The following ARHGAP18 variants were observed in gnomAD, a reference collection of about 807,000 sequenced individuals.
ARHGAP18 encodes Rho GTPase activating protein 18.
Under a neutral mutation model 86.2 loss-of-function variants are expected in ARHGAP18, and 67 were observed. That is an observed-to-expected ratio of 0.78 (90% CI 0.64 to 0.95). The LOEUF is 0.95. ARHGAP18 is among the 40% of genes least tolerant of loss of function. The probability of loss-of-function intolerance (pLI) is 0.00; values close to 1 mark genes in which losing one functional copy is unlikely to be tolerated. For missense variants in ARHGAP18, 691 were observed against 780.4 expected (o/e 0.89, Z 1.37); for synonymous variants, 283 against 280.4 (o/e 1.01, Z -0.09).
In ARHGAP18 at chr6:129,580,065, C is replaced by T. The variant is rs1788254970; in HGVS notation, c.1900+5G>A. The T allele has an allele frequency of 6.2e-7, 1 of 1,610,294 alleles. No homozygotes were observed. The highest frequency in any genetic ancestry group is 2.2e-5 in the East Asian group (1 of 44,750). On this transcript the variant is annotated splice_donor_5th_base_variant and intron_variant, in intron 14 of 14. Coordinates refer to ENST00000368149, the MANE Select transcript of ARHGAP18 (RefSeq NM_033515.3). Reference sequence around the variant, plus strand: ...TAAAATGTAAAGAGAAAAAAAAGTGCTTACCAATATTTCCTCCAATTTCAT... The same window carrying T: ...TAAAATGTAAAGAGAAAAAAAAGTGTTTACCAATATTTCCTCCAATTTCAT...
rs572650499 is a variant in ARHGAP18 at position 129,658,933 on chromosome 6, T to C, written c.114-16915A>G. Among the ~76,000 whole-genome samples the C allele has an allele frequency of 1.9e-3, 289 of 152,306 alleles. 4 individuals carry two copies. Among genetic ancestry groups the C allele is most frequent in the African/African-American group, 6.6e-3 (273 of 41,560 alleles). ...ATAAATTGATATTTTAGAACAGTGC[T>C]GGCCAATAGAAATAAAAGGTGAGGA... On this transcript the variant is annotated intron_variant, in intron 1 of 14. Coordinates refer to ENST00000368149, the MANE Select transcript of ARHGAP18 (RefSeq NM_033515.3).
rs750681949 is a variant in ARHGAP18 at position 129,641,965 on chromosome 6, A to G, written c.167T>C (p.Met56Thr). Residue 56 changes from methionine (M) to threonine (T), a missense_variant, in exon 2 of 15, where the codon ATG (methionine) becomes ACG (threonine). Coordinates refer to ENST00000368149, the MANE Select transcript of ARHGAP18 (RefSeq NM_033515.3). The part of the protein sequence containing the change: ...MNQESTTIKV[M>T]EKPPFDRSIS... ...TGATCGATCAAATGGAGGCTTCTCC[A>G]TAACTTTGATGGTGGTGCTTTCCTG... 4 of 1,613,910 alleles carry G rather than the reference A, an allele frequency of 2.5e-6. No homozygotes were observed. Among genetic ancestry groups the G allele is most frequent in the South Asian group, 2.2e-5 (2 of 91,080 alleles).
chr6:129,602,399 T>TC (rs1788765320), intron 10 of ARHGAP18, among the ~76,000 whole-genome samples: 2 of 152,122 alleles, frequency 1.3e-5, no homozygotes, highest in African/African-American at 4.8e-5. Flanking sequence ...AATCATTTTT[T>TC]CAGAGTTAGC....
At chr6:129,642,106 T>C in intron 1 of ARHGAP18, 88 bp from the exon 2 acceptor site, 2 of 1,161,964 alleles carry the variant, frequency 1.7e-6, no homozygotes, top group Non-Finnish European at 2.5e-6. Flanking sequence ...GCTGGAGAAT[T>C]TATTAACTCC....
intron 5 of ARHGAP18, among the ~76,000 whole-genome samples, chr6:129,619,656 A>G (rs1309263496): frequency 2.2e-5 from 3 of 139,094 alleles, no homozygotes; most frequent in Admixed American, 7.0e-5. Flanking sequence ...GGGAGGGGGA[A>G]ACAGAGGAAG....
rs945515028 is a variant in ARHGAP18 at position 129,580,132 on chromosome 6, C to T, written c.1839-1G>A. On this transcript the variant is annotated splice_acceptor_variant, in intron 13 of 14. Transcript: ENST00000368149. LOFTEE classifies it high-confidence loss of function. ...TTTCTTGAGAGTCTGGGCAACCCCACTATGAGGGACAAAACAAACCGATTA... is the reference window on the plus strand; with the variant it reads ...TTTCTTGAGAGTCTGGGCAACCCCATTATGAGGGACAAAACAAACCGATTA... 6.2e-7 allele frequency: 1 copy of T among 1,613,202 alleles called. No individual in the cohort carries two copies. The highest frequency in any genetic ancestry group is 8.5e-7 in the Non-Finnish European group (1 of 1,179,456).
chr6:129,582,844 A>G (rs1053726119), intron 13 of ARHGAP18, among the ~76,000 whole-genome samples: 5 of 152,202 alleles, frequency 3.3e-5, no homozygotes, highest in Non-Finnish European at 7.3e-5. Flanking sequence ...AGCAGACGTA[A>G]TAATAGCACT....
chr6:129,644,902 T>C (rs1338531433), intron 1 of ARHGAP18, among the ~76,000 whole-genome samples: 1 of 152,230 alleles, frequency 6.6e-6, no homozygotes, highest in African/African-American at 2.4e-5. Flanking sequence ...TTAGTGCTGA[T>C]GAATTGACTC....
intron 3 of ARHGAP18, among the ~76,000 whole-genome samples, chr6:129,635,908 T>C (rs1773322422): frequency 6.6e-6 from 1 of 152,212 alleles, no homozygotes; most frequent in Non-Finnish European, 1.5e-5. Context: ...AACCATGTGG[T>C]TGTGACACTG....
chr6:129,689,048 T>A (rs1774481828), intron 1 of ARHGAP18, among the ~76,000 whole-genome samples: 1 of 152,110 alleles, frequency 6.6e-6, no homozygotes, highest in Non-Finnish European at 1.5e-5. Flanking sequence ...GCTATTACTC[T>A]TCTTTGTCTG....
At chr6:129,661,298 T>C (rs13191581) in intron 1 of ARHGAP18, among the ~76,000 whole-genome samples, 46,055 of 128,248 alleles carry the variant, frequency 0.36, 7,781 homozygotes, top group Middle Eastern at 0.43. Flanking sequence ...GTCCAGCCTG[T>C]GCAAGAATCT....
chr6:129,629,289 ATG>A (rs543373066), intron 5 of ARHGAP18, 62 bp downstream of exon 5: 92 of 1,328,806 alleles, frequency 6.9e-5, no homozygotes, highest in Admixed American at 1.7e-4. Context: ...GTGTATGTAT[ATG>A]TGTGTGTGTA....
At chr6:129,602,829 T>C (rs1266092670) in intron 10 of ARHGAP18, among the ~76,000 whole-genome samples, 2 of 152,046 alleles carry the variant, frequency 1.3e-5, no homozygotes, top group East Asian at 3.9e-4. Context: ...ATAAACCGTT[T>C]TAATTGTGGT....
At chr6:129,653,408 C>G (rs536512787) in intron 1 of ARHGAP18, among the ~76,000 whole-genome samples, 18 of 152,266 alleles carry the variant, frequency 1.2e-4, no homozygotes, top group African/African-American at 3.9e-4. Flanking sequence ...AGCTCAAAAT[C>G]AACTTCAAAC....
At chr6:129,668,723 C>G (rs371916465) in intron 1 of ARHGAP18, among the ~76,000 whole-genome samples, 1 of 152,150 alleles carries the variant, frequency 6.6e-6, no homozygotes, top group African/African-American at 2.4e-5. Context: ...ACTTCCCTAA[C>G]GCCCACACTG....
At chr6:129,660,726 A>G (rs1773932514) in intron 1 of ARHGAP18, among the ~76,000 whole-genome samples, 1 of 152,206 alleles carries the variant, frequency 6.6e-6, no homozygotes, top group Admixed American at 6.5e-5. Context: ...AAAATAGACA[A>G]GAACTGATCT....
chr6:129,613,182 A>G (rs543621823), intron 7 of ARHGAP18, among the ~76,000 whole-genome samples: 22 of 151,428 alleles, frequency 1.5e-4, no homozygotes, highest in East Asian at 9.7e-4. Context: ...GCAGTGAGCC[A>G]AGATCGCAAC....
At chr6:129,598,693 C>G (rs576230618) in intron 12 of ARHGAP18, among the ~76,000 whole-genome samples, 1 of 152,090 alleles carries the variant, frequency 6.6e-6, no homozygotes, top group East Asian at 1.9e-4. Context: ...ATTTAGCTCT[C>G]AAAATTCTTC....
At chr6:129,633,168 C>T (rs868053149) in intron 4 of ARHGAP18, among the ~76,000 whole-genome samples, 13 of 152,002 alleles carry the variant, frequency 8.6e-5, no homozygotes, top group Middle Eastern at 3.4e-3. Context: ...TGGCTCACAC[C>T]TGTAATCCCT....
Sources: allele counts gnomAD v4.1 joint callset (sites outside exome capture counted in the v4.1 genomes callset), GRCh38; gene constraint gnomAD v4.1.1; transcripts MANE v1.5; gene names NCBI Gene and HGNC (gene_info 2026-07-23, HGNC 2026-07-21).